The following SDF2L1 variants were observed in gnomAD, a reference collection of about 807,000 sequenced individuals.
The protein encoded by SDF2L1 is stromal cell-derived factor 2-like protein 1.
SDF2L1 carries 18 observed loss-of-function variants against 19.4 expected under a neutral mutation model. The ratio of observed to expected loss-of-function variants is 0.93; its 90% confidence interval spans 0.64 to 1.38. The LOEUF (loss-of-function observed/expected upper bound fraction) is 1.38, where lower values mean the gene tolerates loss of function less well. Ranked by LOEUF, SDF2L1 falls within the 40% of genes most tolerant of loss-of-function variation. SDF2L1 has a pLI of 0.00. For synonymous variants in SDF2L1, 161 were observed against 148.9 expected, an observed-to-expected ratio of 1.08 and a Z score of -0.59; for missense variants, 263 against 319.4, an observed-to-expected ratio of 0.82 and a Z score of 1.35.
Position 21,643,921 on chromosome 22 carries a change from G to A in SDF2L1, c.412G>A (p.Glu138Lys), listed in dbSNP as rs201878114. 24 of 1,613,626 alleles carry A rather than the reference G, an allele frequency of 1.5e-5. No homozygotes were observed. The highest frequency in any genetic ancestry group is 1.5e-4 in the African/African-American group (11 of 75,016). Reference protein sequence around the residue: ...QEVSAFGEDGEGDDLDLWTVR... With the variant: ...QEVSAFGEDGKGDDLDLWTVR... The stretch of plus-strand genomic sequence containing the variant: ...GGTGAGTGCCTTTGGGGAAGACGGC[G>A]AGGGCGACGACCTGGACCTATGGAC... Residue 138 changes from glutamate (E) to lysine (K), a missense_variant, in exon 3 of 3, where the codon GAG becomes AAG. Around this residue, in one of 3 missense-constraint regions of SDF2L1, gnomAD observed 203 missense variants for 256.9 expected, o/e 0.79. Coordinates refer to ENST00000248958, the MANE Select transcript of SDF2L1 (RefSeq NM_022044.3).
chr22:21,643,615 C>A (rs2066098160), intron 2 of SDF2L1, among the ~76,000 whole-genome samples: 1 of 152,096 alleles, frequency 6.6e-6, no homozygotes, highest in Non-Finnish European at 1.5e-5. Context: ...GAAGGTAGGT[C>A]AGAGGGGTTA....
At position 21,642,385 on chromosome 22, in the gene SDF2L1, C is replaced by G; in HGVS notation, c.49C>G (p.Leu17Val). 6.9e-7 allele frequency: 1 copy of G among 1,444,660 alleles called. No individual in the cohort carries two copies. The highest frequency in any genetic ancestry group is 9.0e-7 in the Non-Finnish European group (1 of 1,109,308). 89.5% of individuals were successfully genotyped at this position (1,444,660 alleles called of 1,614,324 possible). A position where few individuals can be genotyped will look rare whatever the true frequency, so the allele number is the denominator to read the frequency against. The part of the protein sequence containing the change: ...GGAAWPVLLG[L>V]LLALLVPGGG... Reference sequence around the variant, plus strand: ...GGCTGCCTGGCCGGTGCTGTTGGGGCTGCTGCTGGCGCTGTTAGTGCCGGG... The same window carrying G: ...GGCTGCCTGGCCGGTGCTGTTGGGGGTGCTGCTGGCGCTGTTAGTGCCGGG... Residue 17 changes from leucine to valine, a missense_variant, in exon 1 of 3, where the codon CTG becomes GTG. Leu to Val is a conservative substitution (Grantham distance 32). This residue lies in a region of SDF2L1 where 56 missense variants were observed against 45.3 expected (regional missense o/e 1.24). Transcript: ENST00000248958.
Position 21,642,934 on chromosome 22 carries a change from G to T in SDF2L1, c.260G>T (p.Gly87Val), listed in dbSNP as rs2066091735. 8.2e-6 allele frequency: 13 copies of T among 1,580,268 alleles called. No homozygotes were observed. The highest frequency in any genetic ancestry group is 1.1e-5 in the Non-Finnish European group (13 of 1,165,130). ...DANSYWRIRG[G>V]SEGGCPRGSP... ...AATAGCTACTGGCGGATCCGCGGCG[G>T]CTCGGAGGGCGGGTGCCCGCGCGGG... Residue 87 changes from glycine (G) to valine (V), a missense_variant, in exon 2 of 3, where the codon GGC (glycine) becomes GTC (valine). Around this residue, in one of 3 missense-constraint regions of SDF2L1, gnomAD observed 203 missense variants for 256.9 expected, o/e 0.79. Coordinates refer to ENST00000248958, the MANE Select transcript of SDF2L1 (RefSeq NM_022044.3).
chr22:21,643,993 T>C lies in SDF2L1; in HGVS notation c.484T>C (p.Phe162Leu), dbSNP rs1389594301. Residue 162 changes from phenylalanine to leucine, a missense_variant, in exon 3 of 3, where the codon TTC (phenylalanine) becomes CTC (leucine). Phe to Leu is a conservative substitution (Grantham distance 22). Transcript: ENST00000248958. ...CTGGGAGCGTGAGGCTGCTGTGCGC[T>C]TCCAGCATGTGGGCACCTCTGTGTT... The part of the protein sequence containing the change: ...QHWEREAAVR[F>L]QHVGTSVFLS... The C allele has an allele frequency of 6.2e-7, 1 of 1,614,154 alleles. No individual in the cohort carries two copies.
At position 21,642,521 on chromosome 22, in the gene SDF2L1, C is replaced by A. The variant is rs2066086982; in HGVS notation, c.185C>A (p.Ser62Tyr). Residue 62 changes from serine (S) to tyrosine (Y), a missense_variant and splice_region_variant, in exon 1 of 3, where the codon TCC becomes TAC. By Grantham distance (144) the Ser-to-Tyr change is moderately radical (BLOSUM62 -2). Transcript: ENST00000248958. ...CACTCGCACGACATCAAATACGGAT[C>A]CGGTGCGTGGGGCCAGCGACTGGGA... The part of the protein sequence containing the change: ...RLHSHDIKYG[S>Y]GSGQQSVTGV... 2 of 1,521,210 alleles carry A rather than the reference C, an allele frequency of 1.3e-6. No homozygotes were observed. Among genetic ancestry groups the A allele is most frequent in the East Asian group, 5.1e-5 (2 of 39,316 alleles). The allele number at this position is 1,521,210 out of a possible 1,614,324, so 94.2% of individuals were successfully genotyped here.
rs976505339 is a variant in SDF2L1, at chr22:21,642,375, G to A, written c.39G>A (p.Val13=). The change falls in exon 1 of 3, where the codon GTG becomes GTA. Residue 13 remains valine, a synonymous_variant. Coordinates refer to ENST00000248958, the MANE Select transcript of SDF2L1 (RefSeq NM_022044.3). ...SAGRGGAAWP[V]LLGLLLALLV... Reference sequence around the variant, plus strand: ...GCCGCGGCGGGGCTGCCTGGCCGGTGCTGTTGGGGCTGCTGCTGGCGCTGT... The same window carrying A: ...GCCGCGGCGGGGCTGCCTGGCCGGTACTGTTGGGGCTGCTGCTGGCGCTGT... 2.1e-6 allele frequency: 3 copies of A among 1,432,834 alleles called. No homozygotes were observed. The highest frequency in any genetic ancestry group is 2.7e-6 in the Non-Finnish European group (3 of 1,102,900). 88.8% of individuals were successfully genotyped at this position (1,432,834 alleles called of 1,614,324 possible). A position where few individuals can be genotyped will look rare whatever the true frequency, so the allele number is the denominator to read the frequency against.
At position 21,644,045 on chromosome 22, in the gene SDF2L1, G is replaced by A. The variant is rs755090243; in HGVS notation, c.536G>A (p.Gly179Glu). The change falls in exon 3 of 3, where the codon GGA becomes GAA. Residue 179 changes from glycine (G) to glutamate (E), a missense_variant. Physicochemically the swap from Gly to Glu is moderately conservative, Grantham distance 98. This residue lies in a region of SDF2L1 where 203 missense variants were observed against 256.9 expected (regional missense o/e 0.79). Coordinates refer to ENST00000248958, the MANE Select transcript of SDF2L1 (RefSeq NM_022044.3). ...VFLSVTGEQYGSPIRGQHEVH... is the reference protein window; with the variant it reads ...VFLSVTGEQYESPIRGQHEVH... Reference sequence around the variant, plus strand: ...CTGTCAGTCACGGGTGAGCAGTATGGAAGCCCCATCCGTGGGCAGCATGAG... The same window carrying A: ...CTGTCAGTCACGGGTGAGCAGTATGAAAGCCCCATCCGTGGGCAGCATGAG... 6.2e-7 allele frequency: 1 copy of A among 1,614,064 alleles called. No homozygotes were observed. Among genetic ancestry groups the A allele is most frequent in the African/African-American group, 1.3e-5 (1 of 74,920 alleles).
rs2066085481 is a variant in SDF2L1 at position 21,642,380 on chromosome 22, T to TG, written c.48dup (p.Leu17AlafsTer64). On this transcript the variant is annotated frameshift_variant, in exon 1 of 3. Coordinates refer to ENST00000248958, the MANE Select transcript of SDF2L1 (RefSeq NM_022044.3). LOFTEE classifies it high-confidence loss of function. ...GGCGGGGCTGCCTGGCCGGTGCTGT[T>TG]GGGGCTGCTGCTGGCGCTGTTAGTG... The TG allele has an allele frequency of 6.9e-7, 1 of 1,441,006 alleles. No homozygotes were observed. Among genetic ancestry groups the TG allele is most frequent in the African/African-American group, 1.5e-5 (1 of 65,728 alleles). The allele number at this position is 1,441,006 out of a possible 1,614,324, so 89.3% of individuals were successfully genotyped here.
At position 21,643,236 on chromosome 22, in the gene SDF2L1, G is replaced by A. The variant is rs548167754; in HGVS notation, c.384+178G>A. ...TAACTCCGCCAGGATCCTGCCCTCAGGTGCTCCCGGCCCGGCAGGGAGAAC... is the reference window on the plus strand; with the variant it reads ...TAACTCCGCCAGGATCCTGCCCTCAAGTGCTCCCGGCCCGGCAGGGAGAAC... On this transcript the variant is annotated intron_variant, in intron 2 of 2. Coordinates refer to ENST00000248958, the MANE Select transcript of SDF2L1 (RefSeq NM_022044.3). 19 of 733,908 alleles carry A rather than the reference G, an allele frequency of 2.6e-5. No individual in the cohort carries two copies. In the African/African-American group the frequency reaches 3.0e-4, roughly 12 times the overall value. The allele number at this position is 733,908 out of a possible 1,614,324, so 45.5% of individuals were successfully genotyped here.
At position 21,642,311 on chromosome 22, in the gene SDF2L1, C is replaced by A. The variant is rs756885105; in HGVS notation, c.-26C>A. ...CGGGGACGGAAGCGGCCCCTGGGCC[C>A]GAGGGGCTGGAGCCGGGCCGGGGCG... is the stretch of plus-strand genomic sequence containing the variant. On this transcript the variant is annotated 5_prime_UTR_variant, in exon 1 of 3. Coordinates refer to ENST00000248958, the MANE Select transcript of SDF2L1 (RefSeq NM_022044.3). 2.3e-6 allele frequency: 3 copies of A among 1,315,978 alleles called. No homozygotes were observed. The highest frequency in any genetic ancestry group is 4.2e-5 in the Admixed American group (1 of 23,804). 81.5% of individuals were successfully genotyped at this position (1,315,978 alleles called of 1,614,324 possible).
At chr22:21,643,701 G>A (rs2066098966) in intron 2 of SDF2L1, among the ~76,000 whole-genome samples, 193 bp from the exon 3 acceptor site, 1 of 152,196 alleles carries the variant, frequency 6.6e-6, no homozygotes, top group Non-Finnish European at 1.5e-5. Flanking sequence ...ATGCAATGGT[G>A]TGTGCATGTG....
intron 1 of SDF2L1, 61 bp downstream of exon 1, chr22:21,642,584 A>T: frequency 6.7e-7 from 1 of 1,491,658 alleles, no homozygotes; most frequent in South Asian, 1.3e-5. Context: ...GGGAGTGTGG[A>T]GACAGGGTGG....
At chr22:21,642,645 T>C (rs547174749) in intron 1 of SDF2L1, 122 bp downstream of exon 1, 2 of 1,283,856 alleles carry the variant, frequency 1.6e-6, no homozygotes, top group African/African-American at 1.6e-5. Context: ...GGCTCTAGAG[T>C]CGTTGGGAGG....
In SDF2L1 at chr22:21,642,905, C is replaced by G; in HGVS notation, c.231C>G (p.Asp77Glu). 2 of 1,594,264 alleles carry G rather than the reference C, an allele frequency of 1.3e-6. No individual in the cohort carries two copies. Among genetic ancestry groups the G allele is most frequent in the Non-Finnish European group, 1.7e-6 (2 of 1,172,236 alleles). Residue 77 changes from aspartate (D) to glutamate (E), a missense_variant, in exon 2 of 3, where the codon GAC becomes GAG. Physicochemically the swap from Asp to Glu is conservative, Grantham distance 45. Transcript: ENST00000248958. ...TGACCGGCGTAGAGGCGTCGGACGA[C>G]GCCAATAGCTACTGGCGGATCCGCG... ...QSVTGVEASD[D>E]ANSYWRIRGG... is the part of the protein sequence containing the mutation.
intron 2 of SDF2L1, 103 bp from the exon 3 acceptor site, chr22:21,643,791 C>A: frequency 8.1e-7 from 1 of 1,229,064 alleles, no homozygotes; most frequent in Non-Finnish European, 1.1e-6. Flanking sequence ...GCTGTGGGAG[C>A]TGAGGCTCCA....
intron 2 of SDF2L1, 142 bp from the exon 3 acceptor site, chr22:21,643,752 G>T (rs958490656): frequency 2.7e-6 from 2 of 750,890 alleles, no homozygotes; most frequent in Non-Finnish European, 4.3e-6. Context: ...TAGAGGTTGC[G>T]GGGGCGGGTC....
chr22:21,643,563 T>C (rs910637525), intron 2 of SDF2L1, among the ~76,000 whole-genome samples: 2 of 152,128 alleles, frequency 1.3e-5, no homozygotes, highest in Non-Finnish European at 2.9e-5. Context: ...TTGAGATAGA[T>C]AGACAGCTTG....
chr22:21,643,637 A>T (rs943396351), intron 2 of SDF2L1, among the ~76,000 whole-genome samples: 2 of 152,106 alleles, frequency 1.3e-5, no homozygotes, highest in African/African-American at 4.8e-5. Context: ...GACTGGGAAA[A>T]TGTGGAGGAG....
At chr22:21,642,812 G>C (rs1161764538) in intron 1 of SDF2L1, 50 bp from the exon 2 acceptor site, 2 of 1,548,840 alleles carry the variant, frequency 1.3e-6, no homozygotes, top group Non-Finnish European at 1.7e-6. Context: ...CGAGGGTCCG[G>C]GGTTCCGCGA....
Sources: gnomAD v4.1 joint callset for allele counts (sites outside exome capture counted in the v4.1 genomes callset) on GRCh38, gnomAD v4.1.1 for gene constraint, gnomAD v4.1.1 regional missense constraint, MANE v1.5 for transcripts, NCBI Gene and HGNC (gene_info 2026-07-23, HGNC 2026-07-21) for gene names.